Variants in UGT8 observed in about 807,000 individuals in gnomAD.
UGT8 encodes 2-hydroxyacylsphingosine 1-beta-galactosyltransferase.
UGT8 carries 12 observed loss-of-function variants against 40.5 expected under a neutral mutation model. That is an observed-to-expected ratio of 0.30 (90% CI 0.19 to 0.48). UGT8 has a LOEUF of 0.48. UGT8 is among the 20% of genes least tolerant of loss of function. The pLI, the probability that UGT8 is intolerant of heterozygous loss-of-function variation, is 0.99. For synonymous variants in UGT8, 224 were observed against 240.4 expected (o/e 0.93, Z 0.63); for missense variants, 513 against 648.7 (o/e 0.79, Z 2.27).
chr4:114,660,085 A>C (rs530022072), intron 2 of UGT8, among the ~76,000 whole-genome samples: 1 of 152,216 alleles, frequency 6.6e-6, no homozygotes, highest in Non-Finnish European at 1.5e-5. Context: ...TAAAGAAATG[A>C]TGCTGTAAAA....
chr4:114,614,562 A>G (rs546171564), intron 1 of UGT8, among the ~76,000 whole-genome samples: 6 of 152,214 alleles, frequency 3.9e-5, no homozygotes, highest in Non-Finnish European at 8.8e-5. Flanking sequence ...AAAGCTTCTG[A>G]CAGGGAACTT....
At chr4:114,637,457 C>T (rs1455782418) in intron 2 of UGT8, among the ~76,000 whole-genome samples, 1 of 152,100 alleles carries the variant, frequency 6.6e-6, no homozygotes, top group Non-Finnish European at 1.5e-5. Flanking sequence ...TCAGTAAGTA[C>T]ACACTTAGTT....
rs183394246 is a variant in UGT8, at chr4:114,672,044, A to T, written c.1262+3740A>T. 8.5e-4 allele frequency among the ~76,000 whole-genome samples: 129 copies of T among 152,356 alleles called. 1 individual carries two copies. Among genetic ancestry groups the T allele is most frequent in the African/African-American group, 2.9e-3 (122 of 41,584 alleles). ...AGACACTTCTCAAAAGAAGACACTT[A>T]TGTGGCCAACAAACATATGTAAAAA... On this transcript the variant is annotated intron_variant, in intron 5 of 5. Transcript: ENST00000310836.
intron 2 of UGT8, among the ~76,000 whole-genome samples, chr4:114,643,403 A>G (rs1578438746): frequency 6.6e-6 from 1 of 152,168 alleles, no homozygotes; most frequent in East Asian, 1.9e-4. Context: ...AACCAGAAGA[A>G]GTTGTTCTTG....
chr4:114,616,584 C>T (rs1380607006), intron 1 of UGT8, among the ~76,000 whole-genome samples: 1 of 152,114 alleles, frequency 6.6e-6, no homozygotes, highest in Non-Finnish European at 1.5e-5. Context: ...TCGGCTCATG[C>T]TCGGTGTGTT....
intron 2 of UGT8, among the ~76,000 whole-genome samples, chr4:114,657,141 G>A (rs145985326): frequency 2.0e-5 from 3 of 151,200 alleles, no homozygotes; most frequent in Admixed American, 6.6e-5. Flanking sequence ...TTTCTATCTC[G>A]TGGTTACTTT....
intron 2 of UGT8, among the ~76,000 whole-genome samples, chr4:114,661,608 A>G (rs1734543894): frequency 6.6e-6 from 1 of 152,176 alleles, no homozygotes; most frequent in Non-Finnish European, 1.5e-5. Context: ...TAAAGCATCC[A>G]TCACACCAAA....
At chr4:114,621,318 T>C (rs1179703017) in intron 1 of UGT8, among the ~76,000 whole-genome samples, 3 of 152,182 alleles carry the variant, frequency 2.0e-5, no homozygotes, top group Non-Finnish European at 2.9e-5. Context: ...CTTGAGCTTT[T>C]CTATTAAAAG....
intron 1 of UGT8, among the ~76,000 whole-genome samples, chr4:114,608,964 T>C (rs967959925): frequency 3.3e-5 from 5 of 152,202 alleles, no homozygotes; most frequent in African/African-American, 9.6e-5. Flanking sequence ...AGCCCAGGAA[T>C]AATTCTTTTT....
chr4:114,665,679 G>A lies in UGT8; in HGVS notation c.966-1G>A. ...GACTAATTGTCTGGTGTACATTTTA[G>A]GTTTTCTGGACCCAAACCAAAGAAT... On this transcript the variant is annotated splice_acceptor_variant, in intron 3 of 5. Transcript: ENST00000310836. LOFTEE classifies it high-confidence loss of function. 1 of 1,602,962 alleles carries A rather than the reference G, an allele frequency of 6.2e-7. No homozygotes were observed.
Position 114,635,678 on chromosome 4 carries a change from CT to C in UGT8, c.822+11979del, listed in dbSNP as rs202020354. ...AATTTATTTTGGTAAAGTTCAAATG[CT>C]TTCCCCCCTCATAAAAAAGATCCAT... On this transcript the variant is annotated intron_variant, in intron 2 of 5. Transcript: ENST00000310836. Among the ~76,000 whole-genome samples, 1,106 of 152,234 alleles carry C rather than the reference CT, an allele frequency of 7.3e-3. 7 individuals carry two copies. The highest frequency in any genetic ancestry group is 0.017 in the Middle Eastern group (5 of 294).
At chr4:114,656,950 A>G (rs1429299657) in intron 2 of UGT8, 2 of 391,712 alleles carry the variant, frequency 5.1e-6, no homozygotes, top group Non-Finnish European at 9.8e-6. Flanking sequence ...GATATGGTAC[A>G]TAGCAGCTGG....
intron 1 of UGT8, among the ~76,000 whole-genome samples, chr4:114,608,497 G>A (rs890605837): frequency 7.9e-5 from 12 of 151,982 alleles, no homozygotes; most frequent in African/African-American, 2.7e-4. Flanking sequence ...TTCCAGAACT[G>A]CATCATTCAA....
chr4:114,664,634 C>T (rs955342596), intron 3 of UGT8, among the ~76,000 whole-genome samples: 1 of 152,152 alleles, frequency 6.6e-6, no homozygotes, highest in African/African-American at 2.4e-5. Flanking sequence ...TTTAAAAACA[C>T]AATCACGTAC....
chr4:114,630,414 G>T (rs773326235), intron 2 of UGT8, among the ~76,000 whole-genome samples: 3 of 152,176 alleles, frequency 2.0e-5, no homozygotes, highest in Non-Finnish European at 4.4e-5. Flanking sequence ...ATACCTGGTG[G>T]TGGCAGTTAT....
chr4:114,675,607 G>T (rs1045479156), intron 5 of UGT8, among the ~76,000 whole-genome samples: 19 of 149,618 alleles, frequency 1.3e-4, no homozygotes, highest in African/African-American at 4.4e-4. Flanking sequence ...GGGCGTAGTG[G>T]CGGGCGCCTG....
At chr4:114,656,871 T>A in intron 2 of UGT8, 1 of 488,950 alleles carries the variant, frequency 2.0e-6, no homozygotes, top group Admixed American at 2.2e-5. Flanking sequence ...TACGGCCTCA[T>A]TAAAAAATAT....
chr4:114,655,700 GA>G (rs1395445631), intron 2 of UGT8, among the ~76,000 whole-genome samples: 1 of 151,922 alleles, frequency 6.6e-6, no homozygotes, highest in Non-Finnish European at 1.5e-5. Flanking sequence ...TTGTGCACAT[GA>G]GGGCATTTTT....
At chr4:114,599,044 G>C (rs1730269556) in intron 1 of UGT8, 70 bp downstream of exon 1, 1 of 130,930 alleles carries the variant, frequency 7.6e-6, no homozygotes, top group Non-Finnish European at 1.6e-5. Context: ...GAGGGGCGTT[G>C]TTTGCTCCCT....
Sources: allele counts gnomAD v4.1 joint callset (sites outside exome capture counted in the v4.1 genomes callset), GRCh38; gene constraint gnomAD v4.1.1; transcripts MANE v1.5; gene names NCBI Gene and HGNC (gene_info 2026-07-23, HGNC 2026-07-21).